ARMH1: variants seen among roughly 807,000 people sequenced by gnomAD.
ARMH1 encodes armadillo like helical domain containing 1, also known as armadillo-like helical domain containing protein 1.
Under a neutral mutation model 50.2 loss-of-function variants are expected in ARMH1, and 34 were observed. The ratio of observed to expected loss-of-function variants is 0.68; its 90% confidence interval spans 0.51 to 0.90. ARMH1 has a LOEUF of 0.90. Among genes scored for constraint, ARMH1 ranks in the 40% least tolerant of loss-of-function variants. The pLI, the probability that ARMH1 is intolerant of heterozygous loss-of-function variation, is 0.00. For synonymous variants in ARMH1, 221 were observed against 224.2 expected, an observed-to-expected ratio of 0.99 and a Z score of 0.13; for missense variants, 538 against 553.9, an observed-to-expected ratio of 0.97 and a Z score of 0.29.
intron 6 of ARMH1, among the ~76,000 whole-genome samples, chr1:44,719,883 GC>G (rs1359717371): frequency 6.6e-6 from 1 of 152,152 alleles, no homozygotes; most frequent in East Asian, 1.9e-4. Flanking sequence ...TAAGGTCCTG[GC>G]TTCAAAGCAC....
intron 6 of ARMH1, among the ~76,000 whole-genome samples, chr1:44,718,525 G>A (rs937801628): frequency 2.6e-5 from 4 of 152,238 alleles, no homozygotes; most frequent in Non-Finnish European, 2.9e-5. Context: ...GAGAGTGTTT[G>A]GGGGAAGCCA....
At chr1:44,720,627 A>C (rs780233731) in intron 6 of ARMH1, among the ~76,000 whole-genome samples, 1 of 152,202 alleles carries the variant, frequency 6.6e-6, no homozygotes, top group Non-Finnish European at 1.5e-5. Flanking sequence ...TCAGAGACAT[A>C]GGACATCTAC....
At chr1:44,704,800 C>T (rs1646262346) in intron 6 of ARMH1, among the ~76,000 whole-genome samples, 2 of 151,842 alleles carry the variant, frequency 1.3e-5, no homozygotes, top group South Asian at 4.2e-4. Flanking sequence ...GCATGAGCCA[C>T]TGCACCCGGC....
rs150040040 is a variant in ARMH1, at chr1:44,697,683, T to C, written c.276-380T>C. 2.8e-3 allele frequency among the ~76,000 whole-genome samples: 428 copies of C among 152,228 alleles called. 4 individuals are homozygous for C. The highest frequency in any genetic ancestry group is 9.8e-3 in the African/African-American group (407 of 41,554). On this transcript the variant is annotated intron_variant, in intron 3 of 11. Transcript: ENST00000535358. ...AGAAAGTCCCAGGCTTTGAGCCTCA[T>C]TGGACCAATTTAGGTCCCATGCCCA...
intron 2 of ARMH1, chr1:44,692,829 G>C (rs1645701597): frequency 6.6e-6 from 1 of 152,000 alleles, no homozygotes; most frequent in Admixed American, 6.6e-5. Context: ...AACTCCTGGA[G>C]ACTCAAAGGA....
intron 6 of ARMH1, among the ~76,000 whole-genome samples, chr1:44,713,628 T>C (rs1383019153): frequency 6.6e-6 from 1 of 152,200 alleles, no homozygotes; most frequent in Non-Finnish European, 1.5e-5. Flanking sequence ...TATAAAACAG[T>C]CTTCCAGGGG....
In ARMH1 at chr1:44,708,271, C is replaced by T. The variant is rs375050265; in HGVS notation, c.724+4098C>T. 2.6e-5 allele frequency among the ~76,000 whole-genome samples: 4 copies of T among 152,282 alleles called. No individual in the cohort carries two copies. The East Asian group carries it at 5.8e-4, about 22-fold the overall frequency. On this transcript the variant is annotated intron_variant, in intron 6 of 11. Coordinates refer to ENST00000535358, the MANE Select transcript of ARMH1 (RefSeq NM_001145636.2). ...AGTTTGAGTATACCAAATTGCAAAA[C>T]CAGAGTGAGGCCCTAGGATGCTGGC...
At chr1:44,708,119 G>A (rs906050625) in intron 6 of ARMH1, among the ~76,000 whole-genome samples, 4 of 152,234 alleles carry the variant, frequency 2.6e-5, no homozygotes, top group Admixed American at 6.5e-5. Context: ...TTAAGGGAGA[G>A]AAGAAATTCG....
Position 44,701,086 on chromosome 1 carries a change from G to A in ARMH1, c.606G>A (p.Gln202=), listed in dbSNP as rs1436774680. Residue 202 remains glutamine (Q), a synonymous_variant, in exon 5 of 12, where the codon CAG becomes CAA. Transcript: ENST00000535358. ...ALLPCESPKA[Q]QLSLQTLRTA... ...TGCCCTGCGAGTCCCCAAAAGCCCAGCAGCTGTCCCTGCAGACTCTCAGGA... is the reference window on the plus strand; with the variant it reads ...TGCCCTGCGAGTCCCCAAAAGCCCAACAGCTGTCCCTGCAGACTCTCAGGA... 6.4e-7 allele frequency: 1 copy of A among 1,551,648 alleles called. No homozygotes were observed. The highest frequency in any genetic ancestry group is 2.4e-5 in the East Asian group (1 of 40,916).
intron 6 of ARMH1, among the ~76,000 whole-genome samples, chr1:44,718,997 C>T (rs1646967146): frequency 7.1e-6 from 1 of 141,436 alleles, no homozygotes; most frequent in South Asian, 2.2e-4. Context: ...AGTACTCCAG[C>T]CTGGGCAACA....
chr1:44,698,647 C>A (rs1458490858), intron 4 of ARMH1, among the ~76,000 whole-genome samples: 1 of 150,838 alleles, frequency 6.6e-6, no homozygotes, highest in South Asian at 2.1e-4. Context: ...CCCGTCTCTA[C>A]TAAAAATACA....
chr1:44,690,825 T>G (rs960346543), intron 2 of ARMH1, among the ~76,000 whole-genome samples: 7 of 151,992 alleles, frequency 4.6e-5, no homozygotes, highest in African/African-American at 1.4e-4. Context: ...ACTACAGCCA[T>G]GTACCACCAC....
chr1:44,688,787 TC>T (rs1412191178), intron 1 of ARMH1, among the ~76,000 whole-genome samples: 1 of 151,962 alleles, frequency 6.6e-6, no homozygotes, highest in African/African-American at 2.4e-5. Flanking sequence ...AAACCTTCCC[TC>T]CCCCCACTGA....
intron 2 of ARMH1, 58 bp downstream of exon 2, chr1:44,689,961 T>G: frequency 6.7e-7 from 1 of 1,483,500 alleles, no homozygotes; most frequent in Non-Finnish European, 9.2e-7. Context: ...GGCTCACGCC[T>G]GTAATCCCAG....
intron 4 of ARMH1, among the ~76,000 whole-genome samples, chr1:44,700,243 A>T (rs190669864): frequency 7.8e-4 from 119 of 152,316 alleles, no homozygotes; most frequent in African/African-American, 2.8e-3. Context: ...AGCGGGAGAA[A>T]CACCTTCCTC....
intron 2 of ARMH1, among the ~76,000 whole-genome samples, chr1:44,692,055 G>A (rs1645676273): frequency 6.6e-6 from 1 of 152,270 alleles, no homozygotes; most frequent in African/African-American, 2.4e-5. Flanking sequence ...CCCTTTTATT[G>A]TATATTTCTG....
At chr1:44,718,831 C>A (rs1557562394) in intron 6 of ARMH1, among the ~76,000 whole-genome samples, 1 of 151,970 alleles carries the variant, frequency 6.6e-6, no homozygotes, top group Non-Finnish European at 1.5e-5. Context: ...TCAAGACCAG[C>A]CTGACCACCA....
intron 6 of ARMH1, among the ~76,000 whole-genome samples, chr1:44,715,856 C>T (rs898001654): frequency 3.9e-5 from 6 of 152,242 alleles, no homozygotes; most frequent in African/African-American, 1.4e-4. Context: ...AGCCACTGCA[C>T]CCAGCCACAT....
intron 6 of ARMH1, among the ~76,000 whole-genome samples, chr1:44,711,057 G>A (rs948223392): frequency 2.6e-5 from 4 of 152,110 alleles, no homozygotes; most frequent in East Asian, 1.9e-4. Flanking sequence ...ATAATATTCC[G>A]TTGTATGTAT....
Sources: allele counts gnomAD v4.1 joint callset (sites outside exome capture counted in the v4.1 genomes callset), GRCh38; gene constraint gnomAD v4.1.1; transcripts MANE v1.5; gene names NCBI Gene and HGNC (gene_info 2026-07-23, HGNC 2026-07-21).